Variants in LRRTM4 observed in about 807,000 individuals in gnomAD.
LRRTM4 encodes leucine rich repeat transmembrane neuronal 4, also known as leucine-rich repeat transmembrane neuronal protein 4.
In LRRTM4, 25 loss-of-function variants were observed where a neutral mutation model predicts 47.6. The observed-to-expected ratio is 0.53, with a 90% CI of 0.38 to 0.73. LRRTM4 has a LOEUF of 0.73. Among genes scored for constraint, LRRTM4 ranks in the 30% least tolerant of loss-of-function variants. The pLI, the probability that LRRTM4 is intolerant of heterozygous loss-of-function variation, is 0.00. For synonymous variants in LRRTM4, 311 were observed against 269.5 expected (o/e 1.15, Z -1.51); for missense variants, 638 against 713.4 (o/e 0.89, Z 1.20).
chr2:77,158,219 G>A lies in LRRTM4; in HGVS notation c.1551+360099C>T, dbSNP rs541067270. Among the ~76,000 whole-genome samples, 8 of 152,202 alleles carry A rather than the reference G, an allele frequency of 5.3e-5. No homozygotes were observed. In the East Asian group the frequency reaches 1.5e-3, roughly 29 times the overall value. ...TTTATAATAATTCACTAAGTTGTAT[G>A]TCTGTTCTGTGTGCTTTCCTTTTGT... On this transcript the variant is annotated intron_variant, in intron 3 of 3. Transcript: ENST00000409884.
chr2:77,439,243 G>A (rs1039905363), intron 3 of LRRTM4, among the ~76,000 whole-genome samples: 2 of 152,116 alleles, frequency 1.3e-5, no homozygotes, highest in African/African-American at 4.8e-5. Flanking sequence ...ACAGCTCTTA[G>A]AAGTCCTATT....
chr2:77,416,435 C>T (rs552988631), intron 3 of LRRTM4, among the ~76,000 whole-genome samples: 76 of 152,146 alleles, frequency 5.0e-4, no homozygotes, highest in African/African-American at 1.7e-3. Flanking sequence ...ATGGTAAGTA[C>T]TAAAACATTT....
chr2:76,877,979 T>C (rs1227148966), intron 3 of LRRTM4, among the ~76,000 whole-genome samples: 2 of 152,194 alleles, frequency 1.3e-5, no homozygotes, highest in East Asian at 3.9e-4. Context: ...TTCCCAGATA[T>C]TTTGTTTTTA....
At chr2:76,801,830 A>G (rs568124230) in intron 3 of LRRTM4, among the ~76,000 whole-genome samples, 7 of 152,310 alleles carry the variant, frequency 4.6e-5, no homozygotes, top group Non-Finnish European at 7.3e-5. Flanking sequence ...ACCAAAATGT[A>G]TAAATGTGAT....
At chr2:76,807,197 T>A (rs1261236669) in intron 3 of LRRTM4, among the ~76,000 whole-genome samples, 3 of 151,782 alleles carry the variant, frequency 2.0e-5, no homozygotes, top group Admixed American at 1.3e-4. Flanking sequence ...TGAACACTGT[T>A]TGACTATGGG....
chr2:77,085,593 T>C (rs1680684506), intron 3 of LRRTM4, among the ~76,000 whole-genome samples: 1 of 152,134 alleles, frequency 6.6e-6, no homozygotes, highest in Admixed American at 6.5e-5. Flanking sequence ...CAATATGCCA[T>C]TTGTTCATTT....
At chr2:77,309,696 TAGATAG>T (rs749430248) in intron 3 of LRRTM4, among the ~76,000 whole-genome samples, 121 of 148,578 alleles carry the variant, frequency 8.1e-4, no homozygotes, top group Non-Finnish European at 1.2e-3. Flanking sequence ...GATAGATAGA[TAGATAG>T]ATAGATAGAT....
At chr2:77,293,402 G>A (rs1676883361) in intron 3 of LRRTM4, among the ~76,000 whole-genome samples, 1 of 152,038 alleles carries the variant, frequency 6.6e-6, no homozygotes, top group Admixed American at 6.6e-5. Context: ...TCCAGGAAAT[G>A]GGGTAAATGA....
At chr2:77,352,080 G>A (rs1361105735) in intron 3 of LRRTM4, among the ~76,000 whole-genome samples, 1 of 152,080 alleles carries the variant, frequency 6.6e-6, no homozygotes, top group Non-Finnish European at 1.5e-5. Flanking sequence ...TCAATCATGA[G>A]CATCAATTGG....
At chr2:76,913,668 T>C (rs1573305277) in intron 3 of LRRTM4, among the ~76,000 whole-genome samples, 1 of 151,322 alleles carries the variant, frequency 6.6e-6, no homozygotes, top group East Asian at 2.0e-4. Flanking sequence ...GCCTCCCGAG[T>C]AGCTGGGACT....
chr2:76,994,159 T>A (rs189920498), intron 3 of LRRTM4, among the ~76,000 whole-genome samples: 1 of 151,778 alleles, frequency 6.6e-6, no homozygotes. Context: ...ACCTATTGAG[T>A]ACTATGTTCA....
At chr2:77,272,657 T>C (rs6746727) in intron 3 of LRRTM4, among the ~76,000 whole-genome samples, 23,216 of 152,068 alleles carry the variant, frequency 0.15, 3,807 homozygotes, top group African/African-American at 0.41. Context: ...CAGTGGGATT[T>C]GTTTGTGTCA....
intron 3 of LRRTM4, among the ~76,000 whole-genome samples, chr2:76,801,564 A>C (rs1332392353): frequency 2.6e-5 from 4 of 152,118 alleles, no homozygotes; most frequent in Non-Finnish European, 5.9e-5. Context: ...ACCTAATGCT[A>C]GATGATGAGT....
chr2:77,189,546 A>G (rs1322335585), intron 3 of LRRTM4, among the ~76,000 whole-genome samples: 6 of 152,116 alleles, frequency 3.9e-5, no homozygotes, highest in Non-Finnish European at 7.4e-5. Flanking sequence ...GAGAGGCTCT[A>G]GCTCTCTTTC....
chr2:77,375,000 C>A (rs1293427026), intron 3 of LRRTM4, among the ~76,000 whole-genome samples: 1 of 151,480 alleles, frequency 6.6e-6, no homozygotes, highest in Non-Finnish European at 1.5e-5. Context: ...AGCTTTCTAC[C>A]TTTCATATTT....
intron 3 of LRRTM4, among the ~76,000 whole-genome samples, chr2:76,790,412 C>T (rs1406427823): frequency 2.0e-5 from 3 of 152,122 alleles, no homozygotes; most frequent in African/African-American, 4.8e-5. Context: ...TCTCTCTGGA[C>T]TCCTACTGCC....
At chr2:77,195,807 C>G (rs2103888476) in intron 3 of LRRTM4, among the ~76,000 whole-genome samples, 1 of 152,110 alleles carries the variant, frequency 6.6e-6, no homozygotes, top group South Asian at 2.1e-4. Flanking sequence ...ATGTGAAATT[C>G]TGTTTTGAGA....
intron 3 of LRRTM4, among the ~76,000 whole-genome samples, chr2:76,929,940 TGTG>T (rs1477126962): frequency 1.5e-5 from 2 of 136,894 alleles, no homozygotes; most frequent in African/African-American, 3.2e-5. Flanking sequence ...TGTGTGTGTG[TGTG>T]TGTGTGTGTG....
At chr2:77,507,451 A>G (rs1419795913) in intron 3 of LRRTM4, among the ~76,000 whole-genome samples, 1 of 152,102 alleles carries the variant, frequency 6.6e-6, no homozygotes, top group Non-Finnish European at 1.5e-5. Context: ...TGAAGGGGCA[A>G]CACATTGGAA....
Sources: gnomAD v4.1 joint callset for allele counts (sites outside exome capture counted in the v4.1 genomes callset) on GRCh38, gnomAD v4.1.1 for gene constraint, MANE v1.5 for transcripts, NCBI Gene and HGNC (gene_info 2026-07-23, HGNC 2026-07-21) for gene names.